Variants in IGSF5 observed in about 807,000 individuals in gnomAD.
IGSF5 encodes the protein immunoglobulin superfamily 5 like.
A neutral mutation model predicts 39.4 loss-of-function variants in IGSF5; 41 were observed. The observed-to-expected ratio is 1.04, with a 90% CI of 0.81 to 1.35. The LOEUF is 1.35. IGSF5 is among the 40% of genes most tolerant of loss of function. The pLI, the probability that IGSF5 is intolerant of heterozygous loss-of-function variation, is 0.00. For missense variants in IGSF5, 487 were observed against 494.6 expected, an observed-to-expected ratio of 0.98 and a Z score of 0.15; for synonymous variants, 183 against 175.3, an observed-to-expected ratio of 1.04 and a Z score of -0.34.
At chr21:39,719,795 C>T in the IGSF5 span, among the ~76,000 whole-genome samples, 2 of 152,202 alleles carry the variant, frequency 1.3e-5, no homozygotes, top group East Asian at 1.9e-4. Flanking sequence ...GTGTTCTTCC[C>T]GCCATGCCAT....
upstream of IGSF5, among the ~76,000 whole-genome samples, chr21:39,744,736 C>T (rs2146267230): frequency 6.6e-6 from 1 of 152,302 alleles, no homozygotes; most frequent in East Asian, 1.9e-4. Context: ...AGTAAGCTAC[C>T]TCTTTGCTTT....
chr21:39,785,064 G>A (rs780706250), intron 5 of IGSF5, among the ~76,000 whole-genome samples: 12 of 148,704 alleles, frequency 8.1e-5, no homozygotes, highest in Non-Finnish European at 1.5e-4. Flanking sequence ...TATACTTTAA[G>A]TTTTAGGGTA....
the IGSF5 span, among the ~76,000 whole-genome samples, chr21:39,733,272 T>C: frequency 2.0e-5 from 3 of 152,132 alleles, no homozygotes; most frequent in African/African-American, 7.2e-5. Flanking sequence ...CATATTATTA[T>C]GAAGCCATTA....
upstream of IGSF5, among the ~76,000 whole-genome samples, chr21:39,741,876 A>G (rs1421943903): frequency 6.6e-6 from 1 of 152,124 alleles, no homozygotes; most frequent in African/African-American, 2.4e-5. Flanking sequence ...AGCCTCATTG[A>G]TAATCCTGAG....
the IGSF5 span, among the ~76,000 whole-genome samples, chr21:39,732,280 C>T: frequency 2.0e-5 from 3 of 152,144 alleles, no homozygotes; most frequent in Non-Finnish European, 4.4e-5. Context: ...AAATAGAGGG[C>T]AAATTTTCTG....
the IGSF5 span, among the ~76,000 whole-genome samples, chr21:39,721,675 CT>C: frequency 4.6e-4 from 19 of 41,124 alleles, no homozygotes; most frequent in South Asian, 0.012. Context: ...CCATCTGTCC[CT>C]TCCTTCCTTC....
chr21:39,787,882 T>G (rs2086933172), intron 5 of IGSF5, among the ~76,000 whole-genome samples: 1 of 152,174 alleles, frequency 6.6e-6, no homozygotes, highest in Admixed American at 6.5e-5. Flanking sequence ...AGTCACAAAG[T>G]AATAAGTAAA....
At chr21:39,779,705 A>G (rs868495291) in intron 5 of IGSF5, among the ~76,000 whole-genome samples, 2 of 152,256 alleles carry the variant, frequency 1.3e-5, no homozygotes, top group Non-Finnish European at 2.9e-5. Flanking sequence ...GACACAATGG[A>G]ACACTAGACA....
the IGSF5 span, among the ~76,000 whole-genome samples, chr21:39,736,524 G>A: frequency 4.6e-5 from 7 of 151,952 alleles, no homozygotes; most frequent in Non-Finnish European, 7.4e-5. Flanking sequence ...AAACCTGCAC[G>A]TTGTGAACAT....
intron 5 of IGSF5, among the ~76,000 whole-genome samples, chr21:39,779,605 C>T (rs538432333): frequency 7.2e-5 from 11 of 152,246 alleles, no homozygotes; most frequent in East Asian, 3.9e-4. Flanking sequence ...TGCATTTCCA[C>T]GTTCATTACA....
chr21:39,792,841 G>A (rs976532032), intron 7 of IGSF5, among the ~76,000 whole-genome samples: 1 of 152,126 alleles, frequency 6.6e-6, no homozygotes, highest in African/African-American at 2.4e-5. Flanking sequence ...CCGATGAGAG[G>A]GGAAGGCTGA....
rs1602365498 is a variant in IGSF5 at position 39,751,854 on chromosome 21, G to A, written c.100+5556G>A. ...AAGTAGAATTCTCCCAAAGTCTCTG[G>A]AGGTTCTGAGAAGGCCGACCCTGAA... On this transcript the variant is annotated intron_variant, in intron 2 of 8. Coordinates refer to ENST00000380588, the MANE Select transcript of IGSF5 (RefSeq NM_001080444.2). Among the ~76,000 whole-genome samples the A allele has an allele frequency of 2.6e-5, 4 of 152,094 alleles. No homozygotes were observed. The South Asian group carries it at 8.3e-4, about 32-fold the overall frequency.
intron 8 of IGSF5, among the ~76,000 whole-genome samples, chr21:39,798,536 G>T (rs560523427): frequency 1.3e-5 from 2 of 152,254 alleles, no homozygotes; most frequent in East Asian, 3.9e-4. Context: ...GGTTACTTGT[G>T]CCCCCATCTT....
Position 39,771,215 on chromosome 21 carries a change from G to T in IGSF5, c.718G>T (p.Asp240Tyr), listed in dbSNP as rs972132607. 1.9e-6 allele frequency: 3 copies of T among 1,551,184 alleles called. No individual in the cohort carries two copies. In the African/African-American group the frequency reaches 4.1e-5, roughly 21 times the overall value. Residue 240 changes from aspartate to tyrosine, a missense_variant and splice_region_variant, in exon 4 of 9, where the codon GAC becomes TAC. Coordinates refer to ENST00000380588, the MANE Select transcript of IGSF5 (RefSeq NM_001080444.2). ...VNLTVIRCPQ[D>Y]TGGGINIPGV... ...TCTCACTGTGATTCGGTGTCCCCAA[G>T]GTAAGTGAAGACATTCTGCTTTATA... is the stretch of plus-strand genomic sequence containing the variant.
chr21:39,788,148 A>C lies in IGSF5; in HGVS notation c.935-19A>C, dbSNP rs2086935008. ...TAAGTATCCCGATTTTTCCAATGTA[A>C]TTTTGTTCTTTTTTGCAGGATTTCG... On this transcript the variant is annotated intron_variant, in intron 5 of 8. Coordinates refer to ENST00000380588, the MANE Select transcript of IGSF5 (RefSeq NM_001080444.2). 2 of 1,579,142 alleles carry C rather than the reference A, an allele frequency of 1.3e-6. No individual in the cohort carries two copies. The highest frequency in any genetic ancestry group is 2.7e-5 in the African/African-American group (2 of 74,270).
the IGSF5 span, chr21:39,722,677 C>T: frequency 6.6e-6 from 1 of 152,128 alleles, no homozygotes; most frequent in African/African-American, 2.4e-5. Flanking sequence ...AAATTTCATC[C>T]CTTGTATCTT....
At chr21:39,718,271 T>C in the IGSF5 span, among the ~76,000 whole-genome samples, 1 of 152,224 alleles carries the variant, frequency 6.6e-6, no homozygotes, top group African/African-American at 2.4e-5. Context: ...GTTTTCTATG[T>C]ATAAAACCAT....
At chr21:39,778,655 G>A (rs1726765224) in intron 4 of IGSF5, among the ~76,000 whole-genome samples, 2 of 152,146 alleles carry the variant, frequency 1.3e-5, no homozygotes, top group South Asian at 4.2e-4. Flanking sequence ...TCTGGGCGCT[G>A]GACTCTCAAT....
the IGSF5 span, among the ~76,000 whole-genome samples, chr21:39,732,956 G>A: frequency 2.0e-5 from 3 of 151,976 alleles, no homozygotes; most frequent in Admixed American, 6.6e-5. Context: ...AGCCTGGGAG[G>A]TCAAGGCTGC....
Sources: gnomAD v4.1 joint callset for allele counts (sites outside exome capture counted in the v4.1 genomes callset) on GRCh38, gnomAD v4.1.1 for gene constraint, MANE v1.5 for transcripts, NCBI Gene and HGNC (gene_info 2026-07-23, HGNC 2026-07-21) for gene names.